Variants in PRODH2 observed in about 807,000 individuals in gnomAD.
PRODH2 encodes the protein proline dehydrogenase 2.
In PRODH2, 49 loss-of-function variants were observed where a neutral mutation model predicts 51.9. That is an observed-to-expected ratio of 0.94 (90% CI 0.75 to 1.20). The LOEUF (loss-of-function observed/expected upper bound fraction) is 1.20. PRODH2 is among the 50% of genes most tolerant of loss of function. PRODH2 has a pLI of 0.00. For synonymous variants in PRODH2, 249 were observed against 260.7 expected (o/e 0.96, Z 0.43); for missense variants, 597 against 610.9 (o/e 0.98, Z 0.24).
At chr19:35,809,985 A>AAAAAAAAAAAG (rs1483544871) in intron 4 of PRODH2, among the ~76,000 whole-genome samples, 3 of 137,848 alleles carry the variant, frequency 2.2e-5, no homozygotes, top group Non-Finnish European at 3.1e-5. Context: ...AAAAAAAAAA[A>AAAAAAAAAAAG]CGCTGGGCGT....
Position 35,800,162 on chromosome 19 carries a change from G to A in PRODH2, c.1259C>T (p.Pro420Leu). Residue 420 changes from proline to leucine, a missense_variant, in exon 10 of 10, where the codon CCC becomes CTC. Transcript: ENST00000653904. ...IPYGSLEEVI[P>L]YLIRRAQENR... ...CTCCTGGGCCCTCCGGATCAGGTAG[G>A]GGATTACCTCCTCCAAGGAGCCATA... 1.2e-6 allele frequency: 2 copies of A among 1,604,600 alleles called. No homozygotes were observed. Among genetic ancestry groups the A allele is most frequent in the South Asian group, 1.1e-5 (1 of 89,478 alleles).
chr19:35,807,780 A>G (rs964199482), intron 4 of PRODH2, among the ~76,000 whole-genome samples: 2 of 149,608 alleles, frequency 1.3e-5, no homozygotes, highest in Non-Finnish European at 3.0e-5. Flanking sequence ...TTACGTACTG[A>G]CTTTTGTTTT....
intron 8 of PRODH2, 37 bp from the exon 9 acceptor site, chr19:35,802,313 C>T: frequency 6.3e-7 from 1 of 1,595,734 alleles, no homozygotes; most frequent in African/African-American, 1.3e-5. Flanking sequence ...CAGACTGTGG[C>T]TGCATCTACA....
At chr19:35,801,449 G>C (rs1286462730) in intron 9 of PRODH2, among the ~76,000 whole-genome samples, 1 of 152,112 alleles carries the variant, frequency 6.6e-6, no homozygotes, top group Non-Finnish European at 1.5e-5. Context: ...CTGGGTAACA[G>C]AGCAAGACTC....
At chr19:35,806,378 C>G (rs372126169) in intron 7 of PRODH2, 52 bp downstream of exon 7, 2 of 1,605,468 alleles carry the variant, frequency 1.2e-6, no homozygotes, top group African/African-American at 2.7e-5. Flanking sequence ...GCCACTGCAC[C>G]CAACCACTAG....
intron 4 of PRODH2, among the ~76,000 whole-genome samples, chr19:35,809,975 A>AAAAAAAAC (rs1568442979): frequency 4.5e-5 from 6 of 134,472 alleles, no homozygotes; most frequent in Non-Finnish European, 8.0e-5. Context: ...AAAAAAAAAA[A>AAAAAAAAC]AAAAAAAAAA....
Position 35,810,260 on chromosome 19 carries a change from A to AAATAATAATAATAAT in PRODH2, c.597+1687_597+1701dup, listed in dbSNP as rs10676244. 3.3e-3 allele frequency among the ~76,000 whole-genome samples: 474 copies of AAATAATAATAATAAT among 143,236 alleles called. 4 individuals carry two copies. The highest frequency in any genetic ancestry group is 0.011 in the African/African-American group (421 of 38,308). 94.0% of individuals were successfully genotyped at this position (143,236 alleles called of 152,430 possible). On this transcript the variant is annotated intron_variant, in intron 4 of 9. Transcript: ENST00000653904. The stretch of plus-strand genomic sequence containing the variant: ...GGCAACAGAGCAAGACTCTGTCTTA[A>AAATAATAATAATAAT]AATAATAATAATAATAATAATAATA...
At chr19:35,812,321 C>T (rs774201095) in intron 2 of PRODH2, 39 bp downstream of exon 2, 21 of 1,609,710 alleles carry the variant, frequency 1.3e-5, no homozygotes, top group Non-Finnish European at 1.6e-5. Context: ...CCCCTTCCTG[C>T]GTCCTCCCAG....
At chr19:35,806,236 C>T (rs1249623109) in intron 7 of PRODH2, among the ~76,000 whole-genome samples, 194 bp downstream of exon 7, 9 of 152,226 alleles carry the variant, frequency 5.9e-5, no homozygotes, top group African/African-American at 7.2e-5. Flanking sequence ...CAGGCATGTG[C>T]TACCACACCT....
Position 35,806,488 on chromosome 19 carries a change from C to A in PRODH2, c.943G>T (p.Ala315Ser), listed in dbSNP as rs1972512564. The change falls in exon 7 of 10, where the codon GCC becomes TCC. Residue 315 changes from alanine (A) to serine (S), a missense_variant. Coordinates refer to ENST00000653904, the MANE Select transcript of PRODH2 (RefSeq NM_021232.2). ...GAYLDKERAV[A>S]QLHGMEDPTQ... The stretch of plus-strand genomic sequence containing the variant: ...GGGTCTTCCATCCCATGGAGCTGGG[C>A]CACCGCTCTCTCCTTGTCCAGATAT... 6.2e-7 allele frequency: 1 copy of A among 1,614,158 alleles called. No individual in the cohort carries two copies. Among genetic ancestry groups the A allele is most frequent in the South Asian group, 1.1e-5 (1 of 91,080 alleles).
rs376412960 is a variant in PRODH2, at chr19:35,806,515, C to G, written c.916G>C (p.Ala306Pro). Residue 306 changes from alanine to proline, a missense_variant, in exon 7 of 10, where the codon GCA becomes CCA. By Grantham distance (27) the Ala-to-Pro change is conservative. Transcript: ENST00000653904. ...ACCGCTCTCTCCTTGTCCAGATATGCACCTCGTACCAGCTTCACTCCGAAG... is the reference window on the plus strand; with the variant it reads ...ACCGCTCTCTCCTTGTCCAGATATGGACCTCGTACCAGCTTCACTCCGAAG... Reference protein sequence around the residue: ...LAFGVKLVRGAYLDKERAVAQ... With the variant: ...LAFGVKLVRGPYLDKERAVAQ... 96 of 1,614,074 alleles carry G rather than the reference C, an allele frequency of 5.9e-5. No homozygotes were observed. Among genetic ancestry groups the G allele is most frequent in the Non-Finnish European group, 8.1e-5 (96 of 1,180,044 alleles).
At chr19:35,802,447 C>A (rs575806148) in intron 8 of PRODH2, 171 bp from the exon 9 acceptor site, 3 of 656,924 alleles carry the variant, frequency 4.6e-6, no homozygotes, top group African/African-American at 3.6e-5. Flanking sequence ...CCAGTGACTC[C>A]CAGCCAGTTC....
At chr19:35,806,077 T>TTG (rs2146782871) in intron 7 of PRODH2, among the ~76,000 whole-genome samples, 1 of 151,248 alleles carries the variant, frequency 6.6e-6, no homozygotes, top group East Asian at 1.9e-4. Flanking sequence ...TTTGTTTTGT[T>TTG]TGTTTGTTTG....
intron 4 of PRODH2, among the ~76,000 whole-genome samples, chr19:35,808,272 T>C (rs1471458306): frequency 6.6e-6 from 1 of 152,224 alleles, no homozygotes; most frequent in Non-Finnish European, 1.5e-5. Context: ...GAGCTGCTGG[T>C]GACTCCAGGG....
chr19:35,810,197 C>T (rs1211700930), intron 4 of PRODH2, among the ~76,000 whole-genome samples: 4 of 139,114 alleles, frequency 2.9e-5, no homozygotes, highest in African/African-American at 5.3e-5. Context: ...AGGCGGAGGT[C>T]GCAGTGAGCA....
intron 9 of PRODH2, chr19:35,801,910 A>G (rs942487750): frequency 6.8e-6 from 3 of 441,512 alleles, no homozygotes; most frequent in Non-Finnish European, 1.2e-5. Flanking sequence ...TCTGCTTAGC[A>G]CCTGGCAGAA....
intron 7 of PRODH2, among the ~76,000 whole-genome samples, chr19:35,804,967 C>A (rs1972488776): frequency 6.6e-6 from 1 of 151,908 alleles, no homozygotes; most frequent in Admixed American, 6.6e-5. Flanking sequence ...TGAAAAAAGC[C>A]AAATATACAA....
At position 35,812,562 on chromosome 19, in the gene PRODH2, T is replaced by C; in HGVS notation, c.175-6A>G. Reference sequence around the variant, plus strand: ...CGCCGAGACCAGGCCTGGAGCTGGGTGACAGGGAGCGAGGGCTCAGCGCCA... The same window carrying C: ...CGCCGAGACCAGGCCTGGAGCTGGGCGACAGGGAGCGAGGGCTCAGCGCCA... On this transcript the variant is annotated splice_region_variant and splice_polypyrimidine_tract_variant and intron_variant, in intron 1 of 9. Transcript: ENST00000653904. 6.2e-7 allele frequency: 1 copy of C among 1,612,814 alleles called. No homozygotes were observed. Among genetic ancestry groups the C allele is most frequent in the Non-Finnish European group, 8.5e-7 (1 of 1,179,196 alleles).
chr19:35,807,187 T>A (rs1440683574), intron 4 of PRODH2, 66 bp from the exon 5 acceptor site: 10 of 1,380,002 alleles, frequency 7.2e-6, no homozygotes, highest in Non-Finnish European at 1.0e-5. Flanking sequence ...ATGAGCAATA[T>A]CAGTTAGGTA....
Sources: allele counts gnomAD v4.1 joint callset (sites outside exome capture counted in the v4.1 genomes callset), GRCh38; gene constraint gnomAD v4.1.1; transcripts MANE v1.5; gene names NCBI Gene and HGNC (gene_info 2026-07-23, HGNC 2026-07-21).